Variants in AARS1 observed in about 807,000 individuals in gnomAD.
AARS1 encodes the protein alanyl-tRNA synthetase 1.
A neutral mutation model predicts 108.9 loss-of-function variants in AARS1; 72 were observed. The observed-to-expected ratio is 0.66, with a 90% CI of 0.55 to 0.80. The LOEUF is 0.80. Among genes scored for constraint, AARS1 ranks in the 30% least tolerant of loss-of-function variants. The pLI, the probability that AARS1 is intolerant of heterozygous loss-of-function variation, is 0.00. For missense variants in AARS1, 1,193 were observed against 1,233.2 expected (o/e 0.97, Z 0.49); for synonymous variants, 489 against 465.7 (o/e 1.05, Z -0.64).
intron 1 of AARS1, among the ~76,000 whole-genome samples, chr16:70,288,398 C>T (rs1312571211): frequency 1.3e-5 from 2 of 151,632 alleles, no homozygotes; most frequent in Non-Finnish European, 2.9e-5. Context: ...CGTGAGCCAC[C>T]GCGCCCGGCC....
In AARS1 at chr16:70,253,755, G is replaced by C. The variant is rs755503760; in HGVS notation, c.2566C>G (p.Pro856Ala). The change falls in exon 19 of 21, where the codon CCT becomes GCT. Residue 856 changes from proline to alanine, a missense_variant. Transcript: ENST00000261772. ...KQFIDSNPNQ[P>A]LVILEMESGA... ...CTCTCCATCTCCAGGATGACAAGAG[G>C]CTGGTTGGGGTTGCTGTCGATGAAC... 7 of 1,614,174 alleles carry C rather than the reference G, an allele frequency of 4.3e-6. No individual in the cohort carries two copies. Among genetic ancestry groups the C allele is most frequent in the South Asian group, 2.2e-5 (2 of 91,086 alleles).
chr16:70,264,661 T>C (rs1016596156), intron 11 of AARS1, among the ~76,000 whole-genome samples: 11 of 152,090 alleles, frequency 7.2e-5, no homozygotes, highest in South Asian at 2.1e-4. Flanking sequence ...TCAATGTCAA[T>C]TGCCCAGTTT....
intron 2 of AARS1, among the ~76,000 whole-genome samples, chr16:70,278,357 G>C (rs919359099): frequency 1.3e-5 from 2 of 151,804 alleles, no homozygotes; most frequent in African/African-American, 4.8e-5. Flanking sequence ...CCTGAGGTCG[G>C]GAGTTCGAGA....
intron 13 of AARS1, 152 bp from the exon 14 acceptor site, chr16:70,259,338 G>A: frequency 3.7e-6 from 3 of 815,068 alleles, no homozygotes; most frequent in Non-Finnish European, 6.0e-6. Context: ...GGCTAAGTGT[G>A]TCCATGTGAC....
chr16:70,258,950 G>T, intron 14 of AARS1, 30 bp downstream of exon 14: 3 of 1,596,208 alleles, frequency 1.9e-6, no homozygotes, highest in Non-Finnish European at 2.6e-6. Context: ...GGTGTGGGGA[G>T]GGGGGGCATT....
At chr16:70,282,172 C>G (rs922892967) in intron 2 of AARS1, among the ~76,000 whole-genome samples, 1 of 149,778 alleles carries the variant, frequency 6.7e-6, no homozygotes, top group Admixed American at 6.7e-5. Context: ...AATGATAATA[C>G]AAAAAAATTT....
intron 5 of AARS1, among the ~76,000 whole-genome samples, chr16:70,270,818 C>T (rs1374029555): frequency 9.1e-6 from 1 of 109,362 alleles, no homozygotes; most frequent in East Asian, 2.6e-4. Flanking sequence ...GCCTGGGCAA[C>T]AAGAGCAAAA....
intron 12 of AARS1, among the ~76,000 whole-genome samples, chr16:70,261,763 G>C (rs1248174992): frequency 6.7e-6 from 1 of 148,850 alleles, no homozygotes; most frequent in Non-Finnish European, 1.5e-5. Context: ...ACCCTCTCCT[G>C]GGTTCAAGCG....
At chr16:70,287,543 G>C (rs888637997) in intron 1 of AARS1, among the ~76,000 whole-genome samples, 3 of 151,572 alleles carry the variant, frequency 2.0e-5, no homozygotes, top group Admixed American at 2.0e-4. Context: ...TTCAAGACCA[G>C]CCTGGGCAAC....
intron 6 of AARS1, 50 bp from the exon 7 acceptor site, chr16:70,269,813 G>C: frequency 6.2e-7 from 1 of 1,610,940 alleles, no homozygotes; most frequent in Non-Finnish European, 8.5e-7. Context: ...ACTTTCTGGC[G>C]CTACCTTGCC....
intron 11 of AARS1, among the ~76,000 whole-genome samples, chr16:70,263,496 G>A: frequency 6.6e-6 from 1 of 151,650 alleles, no homozygotes. Context: ...ACTTCAAGCT[G>A]GGAGGCAGAA....
In AARS1 at chr16:70,282,316, G is replaced by A. The variant is rs148545126; in HGVS notation, c.144+304C>T. ...TGCACTCCAGCCTGGATGACAGAGCGAGACTCCGTCTCAGGAAAAAAAAAA... is the reference window on the plus strand; with the variant it reads ...TGCACTCCAGCCTGGATGACAGAGCAAGACTCCGTCTCAGGAAAAAAAAAA... On this transcript the variant is annotated intron_variant, in intron 2 of 20. Transcript: ENST00000261772. Among the ~76,000 whole-genome samples the A allele has an allele frequency of 0.077, 9,503 of 123,140 alleles. 1,074 individuals are homozygous for A. Among genetic ancestry groups the A allele is most frequent in the African/African-American group, 0.27 (8,948 of 33,060 alleles). The allele number at this position is 123,140 out of a possible 152,430, so 80.8% of individuals were successfully genotyped here.
At chr16:70,263,050 C>G (rs1440311646) in intron 11 of AARS1, among the ~76,000 whole-genome samples, 1 of 145,672 alleles carries the variant, frequency 6.9e-6, no homozygotes, top group Non-Finnish European at 1.5e-5. Context: ...GAATGCAACA[C>G]TCTGTCGGGT....
intron 11 of AARS1, 112 bp from the exon 12 acceptor site, chr16:70,262,636 G>T: frequency 8.8e-7 from 1 of 1,133,750 alleles, no homozygotes; most frequent in Non-Finnish European, 1.2e-6. Flanking sequence ...GCTCCTAATT[G>T]TCCAATTGTA....
At chr16:70,256,827 C>G (rs1347519613) in intron 15 of AARS1, among the ~76,000 whole-genome samples, 1 of 152,006 alleles carries the variant, frequency 6.6e-6, no homozygotes, top group African/African-American at 2.4e-5. Context: ...TAAGAATGTT[C>G]TTTTCAGCCG....
chr16:70,265,917 G>A (rs546831871), intron 9 of AARS1, among the ~76,000 whole-genome samples: 71 of 152,284 alleles, frequency 4.7e-4, no homozygotes, highest in Non-Finnish European at 7.8e-4. Context: ...CGTGGCTCGC[G>A]CCTGTAATCC....
chr16:70,275,358 G>GT (rs1199414041), intron 4 of AARS1, among the ~76,000 whole-genome samples: 1 of 152,116 alleles, frequency 6.6e-6, no homozygotes, highest in African/African-American at 2.4e-5. Context: ...ACTCATGCCT[G>GT]TAATCCCAGC....
In AARS1 at chr16:70,277,277, T is replaced by G. The variant is rs76247508; in HGVS notation, c.145-123A>C. ...GTTCATGATTAACATGCCTGGAATA[T>G]AGACACTTGTCAGAACAGGTGGCCT... is the stretch of plus-strand genomic sequence containing the variant. On this transcript the variant is annotated intron_variant, in intron 2 of 20. Coordinates refer to ENST00000261772, the MANE Select transcript of AARS1 (RefSeq NM_001605.3). The G allele has an allele frequency of 9.5e-4, 1,015 of 1,066,654 alleles. 14 individuals are homozygous for G. The African/African-American group carries it at 0.013, about 14-fold the overall frequency. 66.1% of individuals were successfully genotyped at this position (1,066,654 alleles called of 1,614,324 possible).
At chr16:70,267,979 G>C (rs1467959201) in intron 8 of AARS1, among the ~76,000 whole-genome samples, 170 bp from the exon 9 acceptor site, 2 of 152,174 alleles carry the variant, frequency 1.3e-5, no homozygotes, top group Admixed American at 1.3e-4. Flanking sequence ...ACCAGCCTGG[G>C]CAACACGGTG....
Sources: gnomAD v4.1 joint callset for allele counts (sites outside exome capture counted in the v4.1 genomes callset) on GRCh38, gnomAD v4.1.1 for gene constraint, MANE v1.5 for transcripts, NCBI Gene and HGNC (gene_info 2026-07-23, HGNC 2026-07-21) for gene names.